PRKAR2B: variants seen among roughly 807,000 people sequenced by gnomAD.
The protein encoded by PRKAR2B is protein kinase cAMP-dependent type II regulatory subunit beta, also known as cAMP-dependent protein kinase type II-beta regulatory subunit.
Under a neutral mutation model 49.9 loss-of-function variants are expected in PRKAR2B, and 14 were observed. The observed-to-expected ratio is 0.28, with a 90% CI of 0.19 to 0.44. PRKAR2B has a LOEUF of 0.44. Among genes scored for constraint, PRKAR2B ranks in the 20% least tolerant of loss-of-function variants. The probability of loss-of-function intolerance (pLI) is 1.00; values close to 1 mark genes in which losing one functional copy is unlikely to be tolerated. For synonymous variants in PRKAR2B, 196 were observed against 197.7 expected (o/e 0.99, Z 0.07); for missense variants, 393 against 537.9 (o/e 0.73, Z 2.67).
intron 6 of PRKAR2B, among the ~76,000 whole-genome samples, chr7:107,146,834 G>C (rs1439002038): frequency 1.3e-5 from 2 of 152,184 alleles, no homozygotes; most frequent in Non-Finnish European, 2.9e-5. Flanking sequence ...GGCTCCCAGA[G>C]TGTGGTCCCC....
At chr7:107,108,291 A>G (rs1046679952) in intron 2 of PRKAR2B, among the ~76,000 whole-genome samples, 10 of 152,234 alleles carry the variant, frequency 6.6e-5, no homozygotes, top group Non-Finnish European at 1.5e-4. Flanking sequence ...AGACTAGGAA[A>G]GTGTCCCGAC....
Position 107,161,422 on chromosome 7 carries a change from T to A in PRKAR2B, c.*1840T>A, listed in dbSNP as rs1227492116. 2.0e-5 allele frequency: 3 copies of A among 152,678 alleles called. No homozygotes were observed. The allele number at this position is 152,678 out of a possible 1,614,324, so 9.5% of individuals were successfully genotyped here. A position where few individuals can be genotyped will look rare whatever the true frequency, so the allele number is the denominator to read the frequency against. On this transcript the variant is annotated 3_prime_UTR_variant, in exon 11 of 11. Coordinates refer to ENST00000265717, the MANE Select transcript of PRKAR2B (RefSeq NM_002736.3). ...TTTAATAAAGAACTTTGACCAAGGC[T>A]ATAAATGCCACGTACATTATTTTCA...
chr7:107,053,438 C>T (rs926922796), intron 1 of PRKAR2B, among the ~76,000 whole-genome samples: 4 of 151,714 alleles, frequency 2.6e-5, no homozygotes, highest in African/African-American at 9.7e-5. Context: ...CAGCTGTAAA[C>T]AATACCACTT....
intron 6 of PRKAR2B, among the ~76,000 whole-genome samples, chr7:107,149,484 G>T (rs1000910502): frequency 6.6e-6 from 1 of 152,006 alleles, no homozygotes; most frequent in Non-Finnish European, 1.5e-5. Context: ...AACAGACAGC[G>T]TCTTCTACTT....
intron 2 of PRKAR2B, among the ~76,000 whole-genome samples, chr7:107,115,459 T>C (rs1795256228): frequency 6.6e-6 from 1 of 152,202 alleles, no homozygotes; most frequent in African/African-American, 2.4e-5. Flanking sequence ...GAGTGGATTA[T>C]AGTAACTTAA....
At position 107,044,777 on chromosome 7, in the gene PRKAR2B, G is replaced by A. The variant is rs1487312940; in HGVS notation, c.-131G>A. On this transcript the variant is annotated 5_prime_UTR_variant, in exon 1 of 11. Coordinates refer to ENST00000265717, the MANE Select transcript of PRKAR2B (RefSeq NM_002736.3). ...GGGCCGGGCCAGCCGGGCCGCCGGG[G>A]CCCAGTGCGCCGCGCTCGCAGCCGG... 2.1e-6 allele frequency: 1 copy of A among 465,662 alleles called. No individual in the cohort carries two copies. The highest frequency in any genetic ancestry group is 2.9e-6 in the Non-Finnish European group (1 of 343,580). The allele number at this position is 465,662 out of a possible 1,614,324, so 28.8% of individuals were successfully genotyped here.
chr7:107,093,678 C>T (rs577957274), intron 2 of PRKAR2B, among the ~76,000 whole-genome samples: 5 of 129,184 alleles, frequency 3.9e-5, no homozygotes, highest in African/African-American at 5.8e-5. Flanking sequence ...CACCCCATGA[C>T]AGGCCCCGGT....
At chr7:107,058,731 A>C (rs964934489) in intron 1 of PRKAR2B, among the ~76,000 whole-genome samples, 1 of 152,256 alleles carries the variant, frequency 6.6e-6, no homozygotes, top group African/African-American at 2.4e-5. Flanking sequence ...CGTTTGTAAA[A>C]AGAATATTTT....
intron 1 of PRKAR2B, among the ~76,000 whole-genome samples, chr7:107,057,904 G>A (rs1171802039): frequency 6.6e-6 from 1 of 152,128 alleles, no homozygotes; most frequent in Non-Finnish European, 1.5e-5. Flanking sequence ...TATAGTAATA[G>A]TACTTTTAAA....
chr7:107,076,544 A>G (rs1794401295), intron 2 of PRKAR2B, among the ~76,000 whole-genome samples: 1 of 152,114 alleles, frequency 6.6e-6, no homozygotes, highest in Non-Finnish European at 1.5e-5. Context: ...CTGTTTGTTC[A>G]GTATGCCCCA....
At chr7:107,130,988 A>T (rs1167445578) in intron 4 of PRKAR2B, among the ~76,000 whole-genome samples, 1 of 152,164 alleles carries the variant, frequency 6.6e-6, no homozygotes, top group South Asian at 2.1e-4. Context: ...TAAAATGCAG[A>T]TTTGGATTCT....
At chr7:107,070,815 T>G (rs1794250421) in intron 2 of PRKAR2B, among the ~76,000 whole-genome samples, 2 of 152,224 alleles carry the variant, frequency 1.3e-5, no homozygotes, top group African/African-American at 2.4e-5. Context: ...TATAAGAACT[T>G]GTCATTATGG....
chr7:107,128,416 A>T, intron 4 of PRKAR2B, 121 bp downstream of exon 4: 1 of 657,884 alleles, frequency 1.5e-6, no homozygotes. Flanking sequence ...GTGATGGTAA[A>T]GGCCCCCTTG....
At chr7:107,072,100 AAAAT>A (rs1159875076) in intron 2 of PRKAR2B, among the ~76,000 whole-genome samples, 1 of 149,294 alleles carries the variant, frequency 6.7e-6, no homozygotes, top group African/African-American at 2.4e-5. Flanking sequence ...ATAAAAATAA[AAAAT>A]AAATATATAT....
chr7:107,124,190 A>G (rs532153532), intron 3 of PRKAR2B, among the ~76,000 whole-genome samples: 1 of 152,368 alleles, frequency 6.6e-6, no homozygotes, highest in East Asian at 1.9e-4. Flanking sequence ...TTGGAAAATA[A>G]CAGATTTTAG....
In PRKAR2B at chr7:107,129,935, G is replaced by A. The variant is rs544823122; in HGVS notation, c.480+1640G>A. On this transcript the variant is annotated intron_variant, in intron 4 of 10. Transcript: ENST00000265717. The stretch of plus-strand genomic sequence containing the variant: ...TTGGCTGGCTTCTTGACTGCAACCT[G>A]TTTTATCAGCAAGATCTTTATGACC... Among the ~76,000 whole-genome samples, 4 of 152,190 alleles carry A rather than the reference G, an allele frequency of 2.6e-5. 1 individual carries two copies. The South Asian group carries it at 8.3e-4, about 32-fold the overall frequency.
At chr7:107,050,964 G>A (rs1438430387) in intron 1 of PRKAR2B, among the ~76,000 whole-genome samples, 1 of 152,142 alleles carries the variant, frequency 6.6e-6, no homozygotes, top group Non-Finnish European at 1.5e-5. Context: ...CGAAAGTGTT[G>A]GAATTAGAGG....
intron 2 of PRKAR2B, among the ~76,000 whole-genome samples, chr7:107,105,900 C>A (rs1795061880): frequency 6.6e-6 from 1 of 152,066 alleles, no homozygotes. Flanking sequence ...TTGGCTATTT[C>A]TTTTGTGTGT....
At chr7:107,110,226 G>C (rs1478442209) in intron 2 of PRKAR2B, among the ~76,000 whole-genome samples, 1 of 152,128 alleles carries the variant, frequency 6.6e-6, no homozygotes, top group Non-Finnish European at 1.5e-5. Flanking sequence ...ATTTAAACCA[G>C]CCCTAGCTAG....
Sources: allele counts gnomAD v4.1 joint callset (sites outside exome capture counted in the v4.1 genomes callset), GRCh38; gene constraint gnomAD v4.1.1; transcripts MANE v1.5; gene names NCBI Gene and HGNC (gene_info 2026-07-23, HGNC 2026-07-21).